Variants in KIN observed in about 807,000 individuals in gnomAD.
KIN encodes the protein Kin17 DNA and RNA binding protein.
Under a neutral mutation model 63.0 loss-of-function variants are expected in KIN, and 47 were observed. That is an observed-to-expected ratio of 0.75 (90% CI 0.59 to 0.95). The LOEUF is 0.95. KIN is among the 40% of genes least tolerant of loss of function. The pLI is 0.00. For synonymous variants in KIN, 160 were observed against 157.7 expected, an observed-to-expected ratio of 1.01 and a Z score of -0.11; for missense variants, 408 against 460.9, an observed-to-expected ratio of 0.89 and a Z score of 1.05.
chr10:7,769,481 T>C (rs1393696609), intron 7 of KIN, 136 bp from the exon 8 acceptor site: 1 of 816,506 alleles, frequency 1.2e-6, no homozygotes, highest in East Asian at 2.5e-5. Context: ...ATGGAGTCCC[T>C]GTCCACATCT....
intron 12 of KIN, among the ~76,000 whole-genome samples, chr10:7,756,415 G>C (rs757108682): frequency 3.3e-5 from 5 of 152,184 alleles, no homozygotes; most frequent in Non-Finnish European, 5.9e-5. Context: ...TCTGCTTCCT[G>C]GATAAATAGC....
At chr10:7,760,254 A>G (rs111918327) in intron 11 of KIN, among the ~76,000 whole-genome samples, 1 of 152,192 alleles carries the variant, frequency 6.6e-6, no homozygotes, top group Admixed American at 6.5e-5. Context: ...ACTGCAAAGA[A>G]TATAAGGTAC....
intron 2 of KIN, 125 bp from the exon 3 acceptor site, chr10:7,780,432 T>C: frequency 1.4e-6 from 1 of 729,518 alleles, no homozygotes; most frequent in South Asian, 1.9e-5. Context: ...CTCGTTCTCG[T>C]CACCCAAGCT....
intron 2 of KIN, among the ~76,000 whole-genome samples, chr10:7,781,569 A>G (rs1434496224): frequency 7.3e-6 from 1 of 137,720 alleles, no homozygotes; most frequent in Non-Finnish European, 1.5e-5. Flanking sequence ...CCTGGGCAAC[A>G]AAGTGAGACC....
At position 7,787,886 on chromosome 10, in the gene KIN, G is replaced by C. The variant is rs754863631; in HGVS notation, c.48C>G (p.Ile16Met). The C allele has an allele frequency of 6.2e-7, 1 of 1,614,106 alleles. No homozygotes were observed. Among genetic ancestry groups the C allele is most frequent in the African/African-American group, 1.3e-5 (1 of 74,950 alleles). Residue 16 changes from isoleucine (I) to methionine (M), a missense_variant, in exon 1 of 13, where the codon ATC becomes ATG. Transcript: ENST00000379562. Reference sequence around the variant, plus strand: ...GTAGCTTCTGCAGCCCCTTGGACTTGATCCTGTTGGCGATAGCCTTGGGAG... The same window carrying C: ...GTAGCTTCTGCAGCCCCTTGGACTTCATCCTGTTGGCGATAGCCTTGGGAG... ...FLTPKAIANR[I>M]KSKGLQKLRW...
At chr10:7,767,035 A>C (rs1011931878) in intron 8 of KIN, among the ~76,000 whole-genome samples, 6 of 145,784 alleles carry the variant, frequency 4.1e-5, no homozygotes, top group African/African-American at 1.5e-4. Flanking sequence ...AAAAAAAAAA[A>C]AAACCTCATT....
chr10:7,753,290 G>A lies in KIN; in HGVS notation c.*2790C>T, dbSNP rs913905680. 2.0e-5 allele frequency: 3 copies of A among 152,146 alleles called. No homozygotes were observed. Among genetic ancestry groups the A allele is most frequent in the East Asian group, 1.9e-4 (1 of 5,190 alleles). 9.4% of individuals were successfully genotyped at this position (152,146 alleles called of 1,614,324 possible). A position where few individuals can be genotyped will look rare whatever the true frequency, so the allele number is the denominator to read the frequency against. ...CATTCTGAAATAATTTCAGAAAGAC[G>A]TTGGAGAATTAAATGTGGGAGGCAG... On this transcript the variant is annotated 3_prime_UTR_variant, in exon 13 of 13. Transcript: ENST00000379562.
chr10:7,758,094 G>A (rs1235085165), intron 12 of KIN, among the ~76,000 whole-genome samples: 8 of 60,122 alleles, frequency 1.3e-4, no homozygotes, highest in Non-Finnish European at 2.3e-4. Flanking sequence ...TTTTTTTTTT[G>A]AGACGGAGTC....
rs544011488 is a variant in KIN at position 7,754,682 on chromosome 10, G to C, written c.*1398C>G. 1 of 151,884 alleles carries C rather than the reference G, an allele frequency of 6.6e-6. No homozygotes were observed. The highest frequency in any genetic ancestry group is 1.5e-5 in the Non-Finnish European group (1 of 68,102). 9.4% of individuals were successfully genotyped at this position (151,884 alleles called of 1,614,324 possible). Reference sequence around the variant, plus strand: ...AAAGATAGATCATCTCTCTCTTCCCGGTGCTGCTGAAGGGTAAGATGTAAA... The same window carrying C: ...AAAGATAGATCATCTCTCTCTTCCCCGTGCTGCTGAAGGGTAAGATGTAAA... On this transcript the variant is annotated 3_prime_UTR_variant, in exon 13 of 13. Coordinates refer to ENST00000379562, the MANE Select transcript of KIN (RefSeq NM_012311.4).
In KIN at chr10:7,765,419, AC is replaced by A. The variant is rs202215910; in HGVS notation, c.849+633del. 4.5e-3 allele frequency among the ~76,000 whole-genome samples: 670 copies of A among 148,878 alleles called. 6 individuals are homozygous for A. The highest frequency in any genetic ancestry group is 0.016 in the African/African-American group (645 of 41,118). On this transcript the variant is annotated intron_variant, in intron 9 of 12. Coordinates refer to ENST00000379562, the MANE Select transcript of KIN (RefSeq NM_012311.4). ...AGACCAGCCTGGTCAATAGAGCAAG[AC>A]CCTGTCTCTATTTAAAAATAAAAAA...
intron 1 of KIN, among the ~76,000 whole-genome samples, chr10:7,787,495 G>A (rs1270362087): frequency 6.6e-6 from 1 of 152,194 alleles, no homozygotes; most frequent in Non-Finnish European, 1.5e-5. Flanking sequence ...GACTGTTACT[G>A]GCATTGCCCG....
chr10:7,765,108 G>A (rs1348875989), intron 9 of KIN, among the ~76,000 whole-genome samples: 4 of 144,586 alleles, frequency 2.8e-5, no homozygotes, highest in Admixed American at 2.2e-4. Context: ...ACGGTGAGCT[G>A]AGATCGTGCC....
intron 7 of KIN, among the ~76,000 whole-genome samples, 154 bp downstream of exon 7, chr10:7,774,674 AAAG>A (rs1835732915): frequency 1.3e-5 from 2 of 152,070 alleles, no homozygotes; most frequent in African/African-American, 4.8e-5. Flanking sequence ...AAAAAAAAAA[AAAG>A]AACAATTGCT....
intron 8 of KIN, 56 bp downstream of exon 8, chr10:7,769,160 A>C: frequency 6.7e-7 from 1 of 1,487,912 alleles, no homozygotes; most frequent in South Asian, 1.3e-5. Flanking sequence ...TAAATGGTGA[A>C]ATGATTTAAT....
At position 7,755,644 on chromosome 10, in the gene KIN, A is replaced by G. The variant is rs1835318718; in HGVS notation, c.*436T>C. The G allele has an allele frequency of 6.5e-6, 1 of 152,688 alleles. No individual in the cohort carries two copies. Among genetic ancestry groups the G allele is most frequent in the Non-Finnish European group, 1.5e-5 (1 of 68,360 alleles). 9.5% of individuals were successfully genotyped at this position (152,688 alleles called of 1,614,324 possible). A position where few individuals can be genotyped will look rare whatever the true frequency, so the allele number is the denominator to read the frequency against. On this transcript the variant is annotated 3_prime_UTR_variant, in exon 13 of 13. Coordinates refer to ENST00000379562, the MANE Select transcript of KIN (RefSeq NM_012311.4). ...ATTTTAAATGAGTGAACTGTATGGTATATGAATTATTACCACAATAAAGCT... is the reference window on the plus strand; with the variant it reads ...ATTTTAAATGAGTGAACTGTATGGTGTATGAATTATTACCACAATAAAGCT...
chr10:7,774,899 A>G lies in KIN; in HGVS notation c.608-8T>C. On this transcript the variant is annotated splice_region_variant and splice_polypyrimidine_tract_variant and intron_variant, in intron 6 of 12. Transcript: ENST00000379562. ...TACTCAAATTAAACGTGACTAGAAG[A>G]AAAAAATGTTATTCCATACATACAT... The G allele has an allele frequency of 6.2e-7, 1 of 1,600,956 alleles. No individual in the cohort carries two copies. The highest frequency in any genetic ancestry group is 1.1e-5 in the South Asian group (1 of 90,706).
Position 7,779,366 on chromosome 10 carries a change from C to T in KIN, c.377-347G>A, listed in dbSNP as rs565884125. On this transcript the variant is annotated intron_variant, in intron 4 of 12. Transcript: ENST00000379562. ...AGGTTGCAGTGAGCCAAGATCCTAC[C>T]ACTGCACTTCAGCCTGGCAACAGAG... Among the ~76,000 whole-genome samples, 347 of 152,274 alleles carry T rather than the reference C, an allele frequency of 2.3e-3. 1 individual carries two copies. Among genetic ancestry groups the T allele is most frequent in the Non-Finnish European group, 3.5e-3 (239 of 68,020 alleles).
chr10:7,785,830 A>G (rs953203947), intron 1 of KIN, among the ~76,000 whole-genome samples: 2 of 152,068 alleles, frequency 1.3e-5, no homozygotes, highest in African/African-American at 4.8e-5. Flanking sequence ...AAAAAAAAGA[A>G]AAAGGGGTGG....
chr10:7,761,941 C>T (rs972052589), intron 11 of KIN, among the ~76,000 whole-genome samples: 1 of 152,016 alleles, frequency 6.6e-6, no homozygotes, highest in Non-Finnish European at 1.5e-5. Context: ...ATGGAGGTTG[C>T]AGTAAGTCAA....
Sources: allele counts gnomAD v4.1 joint callset (sites outside exome capture counted in the v4.1 genomes callset), GRCh38; gene constraint gnomAD v4.1.1; transcripts MANE v1.5; gene names NCBI Gene and HGNC (gene_info 2026-07-23, HGNC 2026-07-21).